Variants in BUB1B observed in about 807,000 individuals in gnomAD.
BUB1B encodes the protein mitotic checkpoint serine/threonine-protein kinase BUB1 beta.
BUB1B carries 86 observed loss-of-function variants against 137.7 expected under a neutral mutation model. The observed-to-expected ratio is 0.62, with a 90% confidence interval of 0.52 to 0.75. The LOEUF (loss-of-function observed/expected upper bound fraction) is 0.75, where lower values mean the gene tolerates loss of function less well. BUB1B is among the 30% of genes least tolerant of loss of function. The pLI, the probability that BUB1B is intolerant of heterozygous loss-of-function variation, is 0.00. For synonymous variants in BUB1B, 420 were observed against 417.9 expected (o/e 1.00, Z -0.06); for missense variants, 1,130 against 1,236.9 (o/e 0.91, Z 1.30).
intron 8 of BUB1B, 67 bp downstream of exon 8, chr15:40,185,709 T>C: frequency 7.0e-7 from 1 of 1,434,368 alleles, no homozygotes; most frequent in Non-Finnish European, 9.8e-7. Flanking sequence ...CCTATTCTAC[T>C]TCCCAAAGGC....
At position 40,161,133 on chromosome 15, in the gene BUB1B, G is replaced by A. The variant is rs1475187045; in HGVS notation, c.-88G>A. 2.6e-6 allele frequency: 4 copies of A among 1,548,852 alleles called. No homozygotes were observed. The highest frequency in any genetic ancestry group is 3.5e-6 in the Non-Finnish European group (4 of 1,139,720). On this transcript the variant is annotated 5_prime_UTR_variant, in exon 1 of 23. Coordinates refer to ENST00000287598, the MANE Select transcript of BUB1B (RefSeq NM_001211.6). ...GTGCCTTGGTCGCTTCTGTAGCTCC[G>A]AGGGCAGGTTGCGGAAGAAAGCCCA...
At chr15:40,173,370 T>C (rs1164456341) in intron 4 of BUB1B, among the ~76,000 whole-genome samples, 1 of 151,804 alleles carries the variant, frequency 6.6e-6, no homozygotes, top group Non-Finnish European at 1.5e-5. Flanking sequence ...ATTCTATGAT[T>C]ATATTTAATT....
chr15:40,209,657 G>A lies in BUB1B; in HGVS notation c.2166G>A (p.Trp722Ter), dbSNP rs1439896698. Residue 722 changes from tryptophan (W) to a stop codon, truncating the protein, a stop_gained, in exon 17 of 23, where the codon TGG becomes TGA. Coordinates refer to ENST00000287598, the MANE Select transcript of BUB1B (RefSeq NM_001211.6). LOFTEE classifies it high-confidence loss of function. ...CAGAAAACCCTACTCAGTCACCATG[G>A]TGTTCACAGTATCGCAGACAGCTAC... ...ETSENPTQSP[W>*]CSQYRRQLLK... is the part of the protein sequence containing the mutation. 1.2e-6 allele frequency: 2 copies of A among 1,614,054 alleles called. No homozygotes were observed. Among genetic ancestry groups the A allele is most frequent in the East Asian group, 2.2e-5 (1 of 44,872 alleles).
intron 18 of BUB1B, 94 bp from the exon 19 acceptor site, chr15:40,212,405 T>A (rs1377982342): frequency 4.3e-6 from 4 of 936,394 alleles, no homozygotes. Context: ...CTTTATTATT[T>A]CTCTATCAGA....
chr15:40,207,922 A>G (rs892770319), intron 15 of BUB1B, among the ~76,000 whole-genome samples: 3 of 150,752 alleles, frequency 2.0e-5, no homozygotes, highest in African/African-American at 4.9e-5. Flanking sequence ...TCACCCAGCT[A>G]TCATTTCCTG....
chr15:40,195,351 T>C (rs1442794392), intron 8 of BUB1B, among the ~76,000 whole-genome samples: 1 of 152,242 alleles, frequency 6.6e-6, no homozygotes, highest in Admixed American at 6.5e-5. Context: ...TCATGGTAGA[T>C]ATATACCACA....
chr15:40,197,213 A>G (rs778533280), intron 9 of BUB1B, among the ~76,000 whole-genome samples: 1 of 152,182 alleles, frequency 6.6e-6, no homozygotes, highest in East Asian at 1.9e-4. Flanking sequence ...AAATTTCTCC[A>G]AGGGCTTATT....
chr15:40,202,643 C>G lies in BUB1B; in HGVS notation c.1683C>G (p.Leu561=). ...CTCAACGAAGACCCCTTGCAGTTCT[C>G]AAAACCTCAGAAAGCATCACCTCAA... ...VLAQRRPLAV[L]KTSESITSNE... Residue 561 remains leucine (L), a synonymous_variant, in exon 14 of 23, where the codon CTC becomes CTG. Transcript: ENST00000287598. 6.2e-7 allele frequency: 1 copy of G among 1,614,130 alleles called. No homozygotes were observed.
At chr15:40,161,360 A>G (rs1346163321) in intron 1 of BUB1B, 105 bp downstream of exon 1, 9 of 1,296,794 alleles carry the variant, frequency 6.9e-6, no homozygotes, top group Non-Finnish European at 9.2e-6. Flanking sequence ...CGGCACCGTC[A>G]GAACAGACCC....
At chr15:40,182,541 C>T (rs534354600) in intron 5 of BUB1B, among the ~76,000 whole-genome samples, 1 of 152,226 alleles carries the variant, frequency 6.6e-6, no homozygotes, top group South Asian at 2.1e-4. Flanking sequence ...CCATGCATGT[C>T]CTGCTTAAGG....
At chr15:40,171,027 C>T (rs1164548840) in intron 4 of BUB1B, among the ~76,000 whole-genome samples, 1 of 152,138 alleles carries the variant, frequency 6.6e-6, no homozygotes, top group Non-Finnish European at 1.5e-5. Context: ...TCTAAACCTC[C>T]TGGGCTCAAG....
chr15:40,195,107 C>T (rs2037482107), intron 8 of BUB1B, among the ~76,000 whole-genome samples: 1 of 152,048 alleles, frequency 6.6e-6, no homozygotes. Flanking sequence ...ACACTGTACC[C>T]GATGTGTAGT....
chr15:40,195,148 C>A (rs770545938), intron 8 of BUB1B, among the ~76,000 whole-genome samples: 7 of 151,852 alleles, frequency 4.6e-5, no homozygotes, highest in Admixed American at 2.0e-4. Flanking sequence ...CATCCTTTCC[C>A]CCAAATCCCC....
chr15:40,195,935 G>C (rs758715469), intron 8 of BUB1B, among the ~76,000 whole-genome samples: 1 of 152,148 alleles, frequency 6.6e-6, no homozygotes, highest in African/African-American at 2.4e-5. Context: ...TGGGTTGTCT[G>C]TTTACTCTGC....
At chr15:40,190,912 G>A (rs143658990) in intron 8 of BUB1B, among the ~76,000 whole-genome samples, 5,434 of 146,458 alleles carry the variant, frequency 0.037, 140 homozygotes, top group Middle Eastern at 0.072. Flanking sequence ...TTTTGAGACC[G>A]AGTCTCACTC....
chr15:40,218,164 C>CA (rs1290341370), intron 21 of BUB1B, among the ~76,000 whole-genome samples: 3 of 152,166 alleles, frequency 2.0e-5, no homozygotes, highest in Non-Finnish European at 4.4e-5. Flanking sequence ...ATGTGGACCC[C>CA]ATTTAGATCA....
At chr15:40,196,240 A>T (rs896018371) in intron 8 of BUB1B, among the ~76,000 whole-genome samples, 1 of 152,142 alleles carries the variant, frequency 6.6e-6, no homozygotes, top group Non-Finnish European at 1.5e-5. Flanking sequence ...TGTTGAATAG[A>T]GTATCTTTCC....
At chr15:40,169,313 G>A (rs967869259) in intron 2 of BUB1B, among the ~76,000 whole-genome samples, 3 of 151,520 alleles carry the variant, frequency 2.0e-5, no homozygotes, top group African/African-American at 7.3e-5. Context: ...TTATATATTT[G>A]TTCATGTGTG....
At chr15:40,211,261 T>C (rs1200955304) in intron 18 of BUB1B, among the ~76,000 whole-genome samples, 50 of 152,150 alleles carry the variant, frequency 3.3e-4, no homozygotes, top group Admixed American at 3.2e-3. Flanking sequence ...TTGTCATCTG[T>C]TTCTTCTTGT....
Sources: allele counts gnomAD v4.1 joint callset (sites outside exome capture counted in the v4.1 genomes callset), GRCh38; gene constraint gnomAD v4.1.1; transcripts MANE v1.5; gene names NCBI Gene and HGNC (gene_info 2026-07-23, HGNC 2026-07-21).